Variants in KL observed in about 807,000 individuals in gnomAD.
KL encodes klotho.
A neutral mutation model predicts 84.2 loss-of-function variants in KL; 62 were observed. The ratio of observed to expected loss-of-function variants is 0.74; its 90% confidence interval spans 0.60 to 0.91. KL has a LOEUF of 0.91. KL is among the 40% of genes least tolerant of loss of function. The pLI is 0.00. For synonymous variants in KL, 528 were observed against 528.0 expected (o/e 1.00, Z 0.00); for missense variants, 1,261 against 1,305.7 (o/e 0.97, Z 0.53).
Position 33,017,059 on chromosome 13 carries a change from T to C in KL, c.619T>C (p.Trp207Arg). Residue 207 changes from tryptophan (W) to arginine (R), a missense_variant, in exon 1 of 5, where the codon TGG (tryptophan) becomes CGG (arginine). Coordinates refer to ENST00000380099, the MANE Select transcript of KL (RefSeq NM_004795.4). ...GCGCCTGCAGGACGCCTACGGCGGC[T>C]GGGCCAACCGCGCCCTGGCCGACCA... ...PQRLQDAYGG[W>R]ANRALADHFR... 1.2e-6 allele frequency: 2 copies of C among 1,601,592 alleles called. No homozygotes were observed. Among genetic ancestry groups the C allele is most frequent in the Non-Finnish European group, 1.7e-6 (2 of 1,178,110 alleles).
intron 3 of KL, 71 bp from the exon 4 acceptor site, chr13:33,060,608 T>C: frequency 6.4e-7 from 1 of 1,570,884 alleles, no homozygotes; most frequent in Non-Finnish European, 8.8e-7. Context: ...CTAGTTTTGC[T>C]GAAATAATTG....
intron 1 of KL, among the ~76,000 whole-genome samples, chr13:33,033,173 A>G (rs1414258079): frequency 6.6e-6 from 1 of 152,230 alleles, no homozygotes; most frequent in African/African-American, 2.4e-5. Context: ...TCATTTCCGA[A>G]AAATGAAAGA....
At position 33,016,564 on chromosome 13, in the gene KL, T is replaced by C. The variant is rs1347871342; in HGVS notation, c.124T>C (p.Trp42Arg). Residue 42 changes from tryptophan (W) to arginine (R), a missense_variant, in exon 1 of 5, where the codon TGG (tryptophan) becomes CGG (arginine). Transcript: ENST00000380099. ...GGAGCCGGGCGACGGCGCGCAGACC[T>C]GGGCCCGTTTCTCGCGGCCTCCTGC... ...RAEPGDGAQT[W>R]ARFSRPPAPE... 22 of 1,474,476 alleles carry C rather than the reference T, an allele frequency of 1.5e-5. No individual in the cohort carries two copies. Among genetic ancestry groups the C allele is most frequent in the Non-Finnish European group, 2.0e-5 (22 of 1,116,108 alleles). 91.3% of individuals were successfully genotyped at this position (1,474,476 alleles called of 1,614,324 possible). A position where few individuals can be genotyped will look rare whatever the true frequency, so the allele number is the denominator to read the frequency against.
At position 33,064,263 on chromosome 13, in the gene KL, G is replaced by A. The variant is rs1872325447; in HGVS notation, c.*77G>A. Reference sequence around the variant, plus strand: ...AGCTGTTAACCATTTGCACCTCTAAGTGTTGTGAAACTGTAAATTTCATAC... The same window carrying A: ...AGCTGTTAACCATTTGCACCTCTAAATGTTGTGAAACTGTAAATTTCATAC... On this transcript the variant is annotated 3_prime_UTR_variant, in exon 5 of 5. Coordinates refer to ENST00000380099, the MANE Select transcript of KL (RefSeq NM_004795.4). 8.9e-7 allele frequency: 1 copy of A among 1,118,540 alleles called. No homozygotes were observed. Among genetic ancestry groups the A allele is most frequent in the African/African-American group, 1.6e-5 (1 of 63,902 alleles). The allele number at this position is 1,118,540 out of a possible 1,614,324, so 69.3% of individuals were successfully genotyped here. A position where few individuals can be genotyped will look rare whatever the true frequency, so the allele number is the denominator to read the frequency against.
Position 33,063,855 on chromosome 13 carries a change from T to C in KL, c.2708T>C (p.Ile903Thr). The C allele has an allele frequency of 6.2e-7, 1 of 1,614,076 alleles. No homozygotes were observed. Among genetic ancestry groups the C allele is most frequent in the Non-Finnish European group, 8.5e-7 (1 of 1,179,948 alleles). ...NYINEALKAH[I>T]LDGINLCGYF... ...TATCCTTTTGTTTTTCCAGCCCACA[T>C]ACTGGATGGTATCAATCTTTGCGGA... Residue 903 changes from isoleucine to threonine, a missense_variant, in exon 5 of 5, where the codon ATA becomes ACA. By Grantham distance (89) the Ile-to-Thr change is moderately conservative. Transcript: ENST00000380099.
chr13:33,048,882 T>G (rs1871636931), intron 1 of KL, among the ~76,000 whole-genome samples: 1 of 152,352 alleles, frequency 6.6e-6, no homozygotes, highest in South Asian at 2.1e-4. Flanking sequence ...GTCTATATGT[T>G]CTGTGGAATT....
chr13:33,049,763 T>C (rs1196214503), intron 1 of KL, among the ~76,000 whole-genome samples: 1 of 152,228 alleles, frequency 6.6e-6, no homozygotes, highest in Admixed American at 6.5e-5. Flanking sequence ...AGACTTTTAA[T>C]AACCATCAAA....
chr13:33,017,185 G>T lies in KL; in HGVS notation c.745G>T (p.Ala249Ser). ...NPYVVAWHGY[A>S]TGRLAPGIRG... The stretch of plus-strand genomic sequence containing the variant: ...CTACGTGGTGGCCTGGCACGGCTAC[G>T]CCACCGGGCGCCTGGCCCCCGGCAT... Residue 249 changes from alanine (A) to serine (S), a missense_variant, in exon 1 of 5, where the codon GCC becomes TCC. Physicochemically the swap from Ala to Ser is moderately conservative, Grantham distance 99 (BLOSUM62 1). Transcript: ENST00000380099. 1.9e-6 allele frequency: 3 copies of T among 1,598,392 alleles called. No individual in the cohort carries two copies. The highest frequency in any genetic ancestry group is 2.5e-6 in the Non-Finnish European group (3 of 1,179,240).
Position 33,061,470 on chromosome 13 carries a change from C to G in KL, c.2391C>G (p.Ile797Met). The G allele has an allele frequency of 6.2e-7, 1 of 1,614,194 alleles. No individual in the cohort carries two copies. Among genetic ancestry groups the G allele is most frequent in the Non-Finnish European group, 8.5e-7 (1 of 1,180,028 alleles). Reference protein sequence around the residue: ...PYFTEDEKKLIQGTFDFLALS... With the variant: ...PYFTEDEKKLMQGTFDFLALS... ...TCACTGAAGATGAAAAAAAGCTAAT[C>G]CAGGGTACCTTTGACTTTTTGGCTT... The change falls in exon 4 of 5, where the codon ATC becomes ATG. Residue 797 changes from isoleucine (I) to methionine (M), a missense_variant. Coordinates refer to ENST00000380099, the MANE Select transcript of KL (RefSeq NM_004795.4).
Position 33,055,467 on chromosome 13 carries a change from G to C in KL, c.1599+152G>C, listed in dbSNP as rs1871925561. The C allele has an allele frequency of 3.5e-6, 3 of 853,304 alleles. No homozygotes were observed. In the Admixed American group the frequency reaches 6.1e-5, roughly 17 times the overall value. The allele number at this position is 853,304 out of a possible 1,614,324, so 52.9% of individuals were successfully genotyped here. The stretch of plus-strand genomic sequence containing the variant: ...GTACACTAAGGGCACAATTTGGAAT[G>C]CTGCACCCTTCTCTCCAAAACTCTT... On this transcript the variant is annotated intron_variant, in intron 3 of 4. Transcript: ENST00000380099.
At chr13:33,042,901 C>G (rs9536281) in intron 1 of KL, among the ~76,000 whole-genome samples, 21,198 of 152,006 alleles carry the variant, frequency 0.14, 1,572 homozygotes, top group South Asian at 0.17. Context: ...AGGCTGGTCT[C>G]GAAGTCCTGA....
intron 1 of KL, among the ~76,000 whole-genome samples, chr13:33,026,676 C>T (rs778150795): frequency 6.6e-6 from 1 of 152,200 alleles, no homozygotes; most frequent in Admixed American, 6.5e-5. Context: ...TGACCATCCC[C>T]GTGGGTGGCA....
chr13:33,030,512 T>A (rs1415908909), intron 1 of KL, among the ~76,000 whole-genome samples: 1 of 152,214 alleles, frequency 6.6e-6, no homozygotes, highest in Admixed American at 6.5e-5. Context: ...TCAAAGTAAC[T>A]GATGGCTGTT....
intron 1 of KL, among the ~76,000 whole-genome samples, chr13:33,044,640 C>CTTTT (rs71071071): frequency 0.027 from 1,432 of 52,656 alleles, 450 homozygotes; most frequent in Middle Eastern, 0.045. Flanking sequence ...AATTGATTTT[C>CTTTT]TTTTTTTTTT....
chr13:33,058,349 T>TC (rs1872043410), intron 3 of KL, among the ~76,000 whole-genome samples: 1 of 149,706 alleles, frequency 6.7e-6, no homozygotes, highest in Admixed American at 6.6e-5. Flanking sequence ...TTTTTTTTTT[T>TC]TCTTTTTTTT....
chr13:33,026,919 T>C (rs1358552414), intron 1 of KL, among the ~76,000 whole-genome samples: 1 of 152,206 alleles, frequency 6.6e-6, no homozygotes, highest in African/African-American at 2.4e-5. Flanking sequence ...CTTGATTCTT[T>C]TATCAGCTGT....
At chr13:33,028,451 A>G (rs1835860666) in intron 1 of KL, among the ~76,000 whole-genome samples, 1 of 152,212 alleles carries the variant, frequency 6.6e-6, no homozygotes, top group Admixed American at 6.5e-5. Context: ...ACCGCCACAT[A>G]ACATGAGGAA....
In KL at chr13:33,054,042, C is replaced by CT; in HGVS notation, c.1101dup (p.Ala368CysfsTer35). 6.2e-7 allele frequency: 1 copy of CT among 1,612,720 alleles called. No homozygotes were observed. Among genetic ancestry groups the CT allele is most frequent in the Non-Finnish European group, 8.5e-7 (1 of 1,179,008 alleles). ...AAAAGTTCATCAAAGGAACTGCTGA[C>CT]TTTTTTGCTCTTTGCTTTGGACCCA... is the stretch of plus-strand genomic sequence containing the variant. On this transcript the variant is annotated frameshift_variant, in exon 2 of 5. Coordinates refer to ENST00000380099, the MANE Select transcript of KL (RefSeq NM_004795.4). LOFTEE classifies it high-confidence loss of function.
intron 1 of KL, among the ~76,000 whole-genome samples, chr13:33,038,389 T>C (rs915720714): frequency 1.3e-5 from 2 of 152,156 alleles, no homozygotes; most frequent in African/African-American, 4.8e-5. Context: ...CCAGCCAGAG[T>C]CCACTATGGG....
Sources: gnomAD v4.1 joint callset for allele counts (sites outside exome capture counted in the v4.1 genomes callset) on GRCh38, gnomAD v4.1.1 for gene constraint, MANE v1.5 for transcripts, NCBI Gene and HGNC (gene_info 2026-07-23, HGNC 2026-07-21) for gene names.